PNLIP: variants seen among roughly 807,000 people sequenced by gnomAD.
PNLIP encodes pancreatic triacylglycerol lipase.
PNLIP carries 49 observed loss-of-function variants against 57.1 expected under a neutral mutation model. The observed-to-expected ratio is 0.86, with a 90% CI of 0.68 to 1.09. The LOEUF is 1.09. PNLIP is among the 50% of genes least tolerant of loss of function. The probability of loss-of-function intolerance (pLI) is 0.00; values close to 1 mark genes in which losing one functional copy is unlikely to be tolerated. For synonymous variants in PNLIP, 209 were observed against 200.4 expected, an observed-to-expected ratio of 1.04 and a Z score of -0.36; for missense variants, 503 against 570.2, an observed-to-expected ratio of 0.88 and a Z score of 1.20.
chr10:116,551,283 A>G, intron 5 of PNLIP, 51 bp downstream of exon 5: 1 of 958,742 alleles, frequency 1.0e-6, no homozygotes, highest in Non-Finnish European at 1.3e-6. Flanking sequence ...TTTCCAGATT[A>G]TCTTTCCAAA....
intron 11 of PNLIP, among the ~76,000 whole-genome samples, chr10:116,561,210 A>G (rs1847311697): frequency 6.6e-6 from 1 of 152,176 alleles, no homozygotes; most frequent in Non-Finnish European, 1.5e-5. Context: ...TACATGTTTG[A>G]AGTTTTACTA....
chr10:116,555,553 G>A (rs1291293662), intron 8 of PNLIP, 46 bp downstream of exon 8: 2 of 1,595,124 alleles, frequency 1.3e-6, no homozygotes, highest in East Asian at 2.2e-5. Flanking sequence ...GAGAAAGCTT[G>A]TGTTTTGTTT....
At chr10:116,565,237 G>C (rs560680445) in intron 12 of PNLIP, among the ~76,000 whole-genome samples, 179 of 52,134 alleles carry the variant, frequency 3.4e-3, no homozygotes, top group Non-Finnish European at 4.9e-3. Context: ...GTGACAGAGC[G>C]AGACAATGTC....
At chr10:116,552,601 T>C (rs1406791724) in intron 5 of PNLIP, among the ~76,000 whole-genome samples, 3 of 152,142 alleles carry the variant, frequency 2.0e-5, no homozygotes, top group South Asian at 2.1e-4. Context: ...AAAATAAAAA[T>C]TGTGGCCTGG....
At chr10:116,552,750 G>T (rs1847207900) in intron 5 of PNLIP, among the ~76,000 whole-genome samples, 1 of 152,068 alleles carries the variant, frequency 6.6e-6, no homozygotes, top group South Asian at 2.1e-4. Context: ...GCTGGGCGTG[G>T]TGGTGGGCGC....
chr10:116,561,445 G>C, intron 11 of PNLIP, 27 bp from the exon 12 acceptor site: 1 of 1,575,030 alleles, frequency 6.3e-7, no homozygotes, highest in Non-Finnish European at 8.7e-7. Flanking sequence ...GCTCATGTAT[G>C]TTTTTGTTAA....
At chr10:116,550,299 C>G (rs1174451129) in intron 4 of PNLIP, among the ~76,000 whole-genome samples, 2 of 151,662 alleles carry the variant, frequency 1.3e-5, no homozygotes, top group East Asian at 1.9e-4. Context: ...ACCTTGTGAT[C>G]CACCTGCCTC....
At chr10:116,553,686 C>T in intron 5 of PNLIP, 41 bp from the exon 6 acceptor site, 2 of 1,212,226 alleles carry the variant, frequency 1.6e-6, no homozygotes, top group South Asian at 1.2e-5. Context: ...CAACTCATGA[C>T]TGCACTTGAA....
chr10:116,561,408 A>C (rs1244395562), intron 11 of PNLIP, 64 bp from the exon 12 acceptor site: 1 of 1,243,294 alleles, frequency 8.0e-7, no homozygotes, highest in African/African-American at 1.5e-5. Flanking sequence ...CATACACACA[A>C]ATATATATGT....
At chr10:116,548,929 T>G (rs567210669) in intron 4 of PNLIP, among the ~76,000 whole-genome samples, 1 of 152,344 alleles carries the variant, frequency 6.6e-6, no homozygotes, top group Admixed American at 6.5e-5. Context: ...GAAAACTGTG[T>G]AGGTTTTCAT....
At chr10:116,548,335 A>G (rs748180472) in intron 3 of PNLIP, 25 bp from the exon 4 acceptor site, 2 of 1,612,438 alleles carry the variant, frequency 1.2e-6, no homozygotes, top group South Asian at 1.1e-5. Flanking sequence ...GGAAACTGAC[A>G]TGAAACACTT....
At chr10:116,563,994 G>A (rs1203453409) in intron 12 of PNLIP, among the ~76,000 whole-genome samples, 10 of 151,984 alleles carry the variant, frequency 6.6e-5, no homozygotes, top group Non-Finnish European at 1.3e-4. Context: ...ACAAAGAAGG[G>A]ACAGAAAAAT....
chr10:116,545,966 G>A lies in PNLIP; in HGVS notation c.-1+8G>A, dbSNP rs542619582. 2.3e-5 allele frequency: 18 copies of A among 778,618 alleles called. No individual in the cohort carries two copies. The highest frequency in any genetic ancestry group is 5.2e-5 in the East Asian group (2 of 38,792). The allele number at this position is 778,618 out of a possible 1,614,324, so 48.2% of individuals were successfully genotyped here. ...CCTGACGGAACTGCCACGGTGAGTC[G>A]GGAACATGTTTTCCAGGCCTAATTG... On this transcript the variant is annotated splice_region_variant and intron_variant, in intron 1 of 12. Coordinates refer to ENST00000369221, the MANE Select transcript of PNLIP (RefSeq NM_000936.4).
rs539136942 is a variant in PNLIP at position 116,546,330 on chromosome 10, T to G, written c.46+192T>G. ...AAACATCTAAGATGCCCAGTTAAAT[T>G]TGAATTTCAGATAAACAGCAAATAT... is the stretch of plus-strand genomic sequence containing the variant. On this transcript the variant is annotated intron_variant, in intron 2 of 12. Transcript: ENST00000369221. 2.0e-5 allele frequency among the ~76,000 whole-genome samples: 3 copies of G among 152,272 alleles called. No individual in the cohort carries two copies. The East Asian group carries it at 5.8e-4, about 29-fold the overall frequency.
rs11549159 is a variant in PNLIP, at chr10:116,547,427, T to C, written c.180T>C (p.Asn60=). The C allele has an allele frequency of 1.5e-5, 24 of 1,612,892 alleles. No individual in the cohort carries two copies. The East Asian group carries it at 5.1e-4, about 34-fold the overall frequency. ...ACACCCGCTTCCTCCTATATACTAATGAGAACCCAAACAACTTTCAAGTAA... is the reference window on the plus strand; with the variant it reads ...ACACCCGCTTCCTCCTATATACTAACGAGAACCCAAACAACTTTCAAGTAA... ...DVNTRFLLYT[N]ENPNNFQEVA... The change falls in exon 3 of 13, where the codon AAT becomes AAC. Residue 60 remains asparagine, a synonymous_variant. Transcript: ENST00000369221.
intron 12 of PNLIP, among the ~76,000 whole-genome samples, chr10:116,562,307 C>G (rs1418007272): frequency 6.6e-6 from 1 of 152,130 alleles, no homozygotes; most frequent in Non-Finnish European, 1.5e-5. Context: ...AGTAACAGAG[C>G]CCAGATTTAC....
chr10:116,562,151 C>A (rs2133208080), intron 12 of PNLIP, among the ~76,000 whole-genome samples: 1 of 152,304 alleles, frequency 6.6e-6, no homozygotes, highest in East Asian at 1.9e-4. Flanking sequence ...GAAAGGTGAT[C>A]TGGTGATAAT....
At chr10:116,555,657 T>G in intron 8 of PNLIP, 150 bp downstream of exon 8, 1 of 884,216 alleles carries the variant, frequency 1.1e-6, no homozygotes, top group Non-Finnish European at 1.7e-6. Context: ...AGGTTTTCAC[T>G]GGGATAAGTG....
At position 116,559,248 on chromosome 10, in the gene PNLIP, T is replaced by G. The variant is rs746305686; in HGVS notation, c.1025T>G (p.Phe342Cys). The change falls in exon 10 of 13, where the codon TTT becomes TGT. Residue 342 changes from phenylalanine (F) to cysteine (C), a missense_variant. Phe to Cys is a radical substitution (Grantham distance 205). Coordinates refer to ENST00000369221, the MANE Select transcript of PNLIP (RefSeq NM_000936.4). ...PGKTNDVGQK[F>C]YLDTGDASNF... ...AAAACAAATGATGTGGGCCAGAAAT[T>G]TTATCTAGACACTGGTGATGCCAGT... is the stretch of plus-strand genomic sequence containing the variant. 7 of 1,613,888 alleles carry G rather than the reference T, an allele frequency of 4.3e-6. No homozygotes were observed. The South Asian group carries it at 6.6e-5, about 15-fold the overall frequency.
Sources: gnomAD v4.1 joint callset for allele counts (sites outside exome capture counted in the v4.1 genomes callset) on GRCh38, gnomAD v4.1.1 for gene constraint, MANE v1.5 for transcripts, NCBI Gene and HGNC (gene_info 2026-07-23, HGNC 2026-07-21) for gene names.